The following EFHD2 variants were observed in gnomAD, a reference collection of about 807,000 sequenced individuals.
The protein encoded by EFHD2 is EF-hand domain-containing protein D2.
In EFHD2, 12 loss-of-function variants were observed where a neutral mutation model predicts 20.3. The observed-to-expected ratio is 0.59, with a 90% CI of 0.38 to 0.96. The LOEUF (loss-of-function observed/expected upper bound fraction) is 0.96, where lower values mean the gene tolerates loss of function less well. EFHD2 is among the 40% of genes least tolerant of loss of function. The pLI, the probability that EFHD2 is intolerant of heterozygous loss-of-function variation, is 0.00. For synonymous variants in EFHD2, 131 were observed against 143.9 expected (o/e 0.91, Z 0.64); for missense variants, 250 against 334.3 (o/e 0.75, Z 1.97).
chr1:15,417,382 A>G (rs116011057), intron 1 of EFHD2, among the ~76,000 whole-genome samples: 2 of 152,370 alleles, frequency 1.3e-5, no homozygotes, highest in Non-Finnish European at 2.9e-5. Flanking sequence ...GACTATGAAG[A>G]GCAAGAAGCG....
At chr1:15,419,797 G>A (rs1707757592) in intron 1 of EFHD2, among the ~76,000 whole-genome samples, 1 of 152,178 alleles carries the variant, frequency 6.6e-6, no homozygotes, top group Non-Finnish European at 1.5e-5. Context: ...CAGCCATCGT[G>A]GAACCTCGTT....
chr1:15,417,746 G>A (rs994185656), intron 1 of EFHD2, among the ~76,000 whole-genome samples: 1 of 152,174 alleles, frequency 6.6e-6, no homozygotes, highest in Non-Finnish European at 1.5e-5. Flanking sequence ...GGGCCTGAGG[G>A]CTCCTGAGCC....
intron 1 of EFHD2, among the ~76,000 whole-genome samples, chr1:15,418,991 A>G (rs944945561): frequency 6.6e-6 from 1 of 152,274 alleles, no homozygotes; most frequent in Non-Finnish European, 1.5e-5. Context: ...CGTGCCTGGC[A>G]CATAGCAAGT....
chr1:15,422,471 A>G (rs964324985), intron 1 of EFHD2, among the ~76,000 whole-genome samples: 1 of 151,756 alleles, frequency 6.6e-6, no homozygotes, highest in African/African-American at 2.4e-5. Context: ...TGCCACTGGC[A>G]TCCCCCCCAC....
At chr1:15,411,391 A>T (rs1240885496) in intron 1 of EFHD2, among the ~76,000 whole-genome samples, 1 of 151,746 alleles carries the variant, frequency 6.6e-6, no homozygotes, top group Non-Finnish European at 1.5e-5. Context: ...CCCCCACAAA[A>T]ACAATCTTAA....
intron 1 of EFHD2, among the ~76,000 whole-genome samples, chr1:15,421,176 C>T (rs1250960277): frequency 1.3e-5 from 2 of 152,120 alleles, no homozygotes; most frequent in African/African-American, 4.8e-5. Flanking sequence ...GGTCACTCTG[C>T]CAGCAGGTGG....
chr1:15,410,082 GGC>G lies in EFHD2; in HGVS notation c.113_114del (p.Ala38GlyfsTer67). The G allele has an allele frequency of 7.1e-7, 1 of 1,406,648 alleles. No individual in the cohort carries two copies. Among genetic ancestry groups the G allele is most frequent in the South Asian group, 1.6e-5 (1 of 62,780 alleles). 87.1% of individuals were successfully genotyped at this position (1,406,648 alleles called of 1,614,324 possible). ...GGCTGAACGGGGCAGCGGCGGCGGC[GGC>G]GGGGGCACCCGACGAGGCGGCCGAG... ...PGLNGAAAAA[A>X]GAPDEAAEAL... On this transcript the variant is annotated frameshift_variant, in exon 1 of 4. Coordinates refer to ENST00000375980, the MANE Select transcript of EFHD2 (RefSeq NM_024329.6). LOFTEE classifies it high-confidence loss of function.
In EFHD2 at chr1:15,429,125, A is replaced by G. The variant is rs1707923335; in HGVS notation, c.*401A>G. 5 of 208,444 alleles carry G rather than the reference A, an allele frequency of 2.4e-5. No homozygotes were observed. In the South Asian group the frequency reaches 3.4e-4, roughly 14 times the overall value. The allele number at this position is 208,444 out of a possible 1,614,324, so 12.9% of individuals were successfully genotyped here. ...AACCCGGGAACCCCTGCCCTCCTCC[A>G]GCAGGCCGCACCGCCCCTGGGGCCC... On this transcript the variant is annotated 3_prime_UTR_variant, in exon 4 of 4. Coordinates refer to ENST00000375980, the MANE Select transcript of EFHD2 (RefSeq NM_024329.6).
At chr1:15,424,167 C>A (rs1707836192) in intron 1 of EFHD2, among the ~76,000 whole-genome samples, 1 of 150,736 alleles carries the variant, frequency 6.6e-6, no homozygotes, top group African/African-American at 2.4e-5. Flanking sequence ...AACAGAGCAA[C>A]ACCCCGTCTC....
At chr1:15,421,653 T>A (rs967848032) in intron 1 of EFHD2, among the ~76,000 whole-genome samples, 6 of 151,792 alleles carry the variant, frequency 4.0e-5, no homozygotes. Context: ...TTGGACACTT[T>A]ATCTGCACTT....
At chr1:15,414,629 TC>T (rs1707620834) in intron 1 of EFHD2, among the ~76,000 whole-genome samples, 1 of 152,166 alleles carries the variant, frequency 6.6e-6, no homozygotes, top group Non-Finnish European at 1.5e-5. Context: ...CAGAGGCAGC[TC>T]CACAGTGCCC....
chr1:15,422,115 CAG>C (rs1329904212), intron 1 of EFHD2, among the ~76,000 whole-genome samples: 1 of 112,560 alleles, frequency 8.9e-6, no homozygotes, highest in Non-Finnish European at 1.7e-5. Context: ...TTTTTTGAGA[CAG>C]AGTCTTGCTT....
rs750955134 is a variant in EFHD2, at chr1:15,428,924, G to A, written c.*200G>A. 5.0e-5 allele frequency: 38 copies of A among 753,348 alleles called. No homozygotes were observed. Among genetic ancestry groups the A allele is most frequent in the East Asian group, 6.2e-5 (2 of 32,316 alleles). The allele number at this position is 753,348 out of a possible 1,614,324, so 46.7% of individuals were successfully genotyped here. ...GCTCCCTTCCACTCTGCACGAGGCC[G>A]CCACACCGGCGCTGGCTCCCTGCCC... On this transcript the variant is annotated 3_prime_UTR_variant, in exon 4 of 4. Transcript: ENST00000375980.
intron 1 of EFHD2, among the ~76,000 whole-genome samples, chr1:15,418,519 A>C (rs193263974): frequency 4.0e-5 from 6 of 149,462 alleles, no homozygotes; most frequent in African/African-American, 9.9e-5. Flanking sequence ...GTTAGCCAGG[A>C]TGGTCTCAAT....
chr1:15,425,130 T>A (rs1263398682), intron 1 of EFHD2, among the ~76,000 whole-genome samples: 1 of 152,126 alleles, frequency 6.6e-6, no homozygotes, highest in Non-Finnish European at 1.5e-5. Context: ...GGGGGTGAGA[T>A]GTCCTCCAAG....
chr1:15,422,296 T>C (rs1029629813), intron 1 of EFHD2, among the ~76,000 whole-genome samples: 24 of 151,720 alleles, frequency 1.6e-4, no homozygotes, highest in Non-Finnish European at 2.6e-4. Flanking sequence ...TTTCACCATG[T>C]TGGCCAGGAT....
intron 1 of EFHD2, among the ~76,000 whole-genome samples, chr1:15,424,692 C>T (rs1453519607): frequency 6.6e-6 from 1 of 152,194 alleles, no homozygotes; most frequent in Non-Finnish European, 1.5e-5. Flanking sequence ...AAGGCAGAGG[C>T]CCTGCCTTAG....
chr1:15,411,223 A>T (rs1051252294), intron 1 of EFHD2, among the ~76,000 whole-genome samples: 1 of 133,936 alleles, frequency 7.5e-6, no homozygotes, highest in Non-Finnish European at 1.6e-5. Context: ...CCCCACAGGG[A>T]CCCCCCATGT....
At chr1:15,410,334 C>CGTT in intron 1 of EFHD2, 55 bp downstream of exon 1, 1 of 1,495,520 alleles carries the variant, frequency 6.7e-7, no homozygotes, top group Non-Finnish European at 8.9e-7. Context: ...GTCTCGGGCC[C>CGTT]CGAACCCCCC....
Sources: gnomAD v4.1 joint callset for allele counts (sites outside exome capture counted in the v4.1 genomes callset) on GRCh38, gnomAD v4.1.1 for gene constraint, MANE v1.5 for transcripts, NCBI Gene and HGNC (gene_info 2026-07-23, HGNC 2026-07-21) for gene names.